ROBO2: variants seen among roughly 807,000 people sequenced by gnomAD.
ROBO2 encodes the protein roundabout guidance receptor 2, also known as roundabout homolog 2.
ROBO2 carries 53 observed loss-of-function variants against 160.8 expected under a neutral mutation model. The ratio of observed to expected loss-of-function variants is 0.33; its 90% CI spans 0.26 to 0.41. ROBO2 has a LOEUF of 0.41. Ranked by LOEUF, ROBO2 falls within the 10% of genes least tolerant of loss-of-function variation. The pLI is 1.00. For missense variants in ROBO2, 1,577 were observed against 1,722.4 expected (o/e 0.92, Z 1.49); for synonymous variants, 664 against 611.7 (o/e 1.09, Z -1.26).
intron 2 of ROBO2, among the ~76,000 whole-genome samples, chr3:76,094,134 T>TCACACA (rs59815528): frequency 6.7e-6 from 1 of 148,508 alleles, no homozygotes; most frequent in Non-Finnish European, 1.5e-5. Context: ...ACACTCGCAC[T>TCACACA]CACACACACA....
rs140771472 is a variant in ROBO2 at position 76,218,813 on chromosome 3, C to G, written c.109+281211C>G. On this transcript the variant is annotated intron_variant, in intron 2 of 26. Coordinates refer to the ROBO2 transcript ENST00000487694. ...TTCTTCACAGAATTGGAAAAAACTA[C>G]TTGAAAGTTCATATGGAACCAAAAA... Among the ~76,000 whole-genome samples the G allele has an allele frequency of 7.8e-3, 1,182 of 152,274 alleles. 10 individuals are homozygous for G. Among genetic ancestry groups the G allele is most frequent in the Middle Eastern group, 0.027 (8 of 294 alleles).
Position 76,666,371 on chromosome 3 carries a change from C to T in ROBO2, c.110-431643C>T, listed in dbSNP as rs761894714. Among the ~76,000 whole-genome samples the T allele has an allele frequency of 4.6e-5, 7 of 152,054 alleles. No homozygotes were observed. In the East Asian group the frequency reaches 5.8e-4, roughly 13 times the overall value. ...ACCATGTTAGGAGACATCAGTTCAC[C>T]GTGACCCAAATGCTCTGCCTGATGA... On this transcript the variant is annotated intron_variant, in intron 2 of 26. Transcript: ENST00000487694.
At chr3:75,994,593 T>G (rs1395368286) in intron 2 of ROBO2, among the ~76,000 whole-genome samples, 2 of 152,234 alleles carry the variant, frequency 1.3e-5, no homozygotes, top group African/African-American at 4.8e-5. Flanking sequence ...TCCTCAGCCA[T>G]GTATAGTTAA....
intron 2 of ROBO2, among the ~76,000 whole-genome samples, chr3:76,219,000 G>C (rs1446777745): frequency 6.6e-6 from 1 of 152,098 alleles, no homozygotes; most frequent in Non-Finnish European, 1.5e-5. Flanking sequence ...GCCCTCAGAA[G>C]TAATGCCGCA....
intron 2 of ROBO2, among the ~76,000 whole-genome samples, chr3:76,282,320 C>A (rs1048642670): frequency 6.6e-6 from 1 of 152,004 alleles, no homozygotes; most frequent in Admixed American, 6.6e-5. Flanking sequence ...CATGGAGATA[C>A]AAATGAGAAA....
chr3:76,090,534 A>G (rs1382366448), intron 2 of ROBO2, among the ~76,000 whole-genome samples: 5 of 152,240 alleles, frequency 3.3e-5, no homozygotes, highest in African/African-American at 7.2e-5. Flanking sequence ...AAGTTGATCT[A>G]TAGTTTCAAC....
chr3:77,512,807 TC>T (rs2089559968), intron 5 of ROBO2, among the ~76,000 whole-genome samples: 1 of 151,922 alleles, frequency 6.6e-6, no homozygotes, highest in South Asian at 2.1e-4. Context: ...AACAAACCTT[TC>T]AAGTCTCCTT....
At chr3:77,496,064 C>A (rs2086741982) in intron 5 of ROBO2, among the ~76,000 whole-genome samples, 1 of 152,156 alleles carries the variant, frequency 6.6e-6, no homozygotes, top group Admixed American at 6.6e-5. Flanking sequence ...GGTATGATAT[C>A]AAGGCCACTA....
intron 2 of ROBO2, among the ~76,000 whole-genome samples, chr3:77,170,643 A>G (rs2079547001): frequency 6.6e-6 from 1 of 152,186 alleles, no homozygotes; most frequent in South Asian, 2.1e-4. Flanking sequence ...TGCCCTAATT[A>G]TGGTTTCTAT....
chr3:76,765,953 A>G (rs1262730694), intron 2 of ROBO2, among the ~76,000 whole-genome samples: 1 of 151,650 alleles, frequency 6.6e-6, no homozygotes. Context: ...TCAGATCCCA[A>G]CTTTATTTGC....
chr3:76,144,058 T>G (rs2071793109), intron 2 of ROBO2, among the ~76,000 whole-genome samples: 1 of 151,894 alleles, frequency 6.6e-6, no homozygotes, highest in Non-Finnish European at 1.5e-5. Flanking sequence ...AATGTTAATC[T>G]CAGCCAGAAA....
At chr3:77,212,150 G>C (rs576454498) in intron 2 of ROBO2, among the ~76,000 whole-genome samples, 1 of 152,030 alleles carries the variant, frequency 6.6e-6, no homozygotes, top group Admixed American at 6.6e-5. Flanking sequence ...CATTGAATCT[G>C]TAAATTACCT....
intron 2 of ROBO2, among the ~76,000 whole-genome samples, chr3:77,294,306 C>A (rs1441716283): frequency 1.5e-5 from 2 of 131,982 alleles, no homozygotes; most frequent in Admixed American, 8.1e-5. Flanking sequence ...GTAAAATTGA[C>A]GGTTAAACGG....
At chr3:76,352,136 T>C (rs181470618) in intron 2 of ROBO2, among the ~76,000 whole-genome samples, 6 of 152,124 alleles carry the variant, frequency 3.9e-5, no homozygotes, top group African/African-American at 1.4e-4. Flanking sequence ...CTTCATTCCC[T>C]GTAGACTAAT....
chr3:76,560,648 C>T (rs1419791389), intron 2 of ROBO2, among the ~76,000 whole-genome samples: 1 of 149,798 alleles, frequency 6.7e-6, no homozygotes, highest in Non-Finnish European at 1.5e-5. Context: ...AAAGAAAACT[C>T]ACATTACTGA....
chr3:76,134,647 C>A (rs2071358263), intron 2 of ROBO2, among the ~76,000 whole-genome samples: 1 of 151,950 alleles, frequency 6.6e-6, no homozygotes, highest in Non-Finnish European at 1.5e-5. Flanking sequence ...ACAGGAGACC[C>A]CAGCCCTAGC....
intron 2 of ROBO2, among the ~76,000 whole-genome samples, chr3:76,744,939 T>A (rs1201601371): frequency 1.3e-5 from 2 of 152,182 alleles, no homozygotes; most frequent in Admixed American, 1.3e-4. Context: ...TAAACATGAT[T>A]TATTGTATAC....
rs192464451 is a variant in ROBO2 at position 77,222,832 on chromosome 3, G to A, written c.388+124492G>A. ...GTGGTCTACTCCTAATTTCATTTTC[G>A]TTTCCTAAATAAGAAGACCCATTAA... On this transcript the variant is annotated intron_variant, in intron 2 of 25. Transcript: ENST00000461745. Among the ~76,000 whole-genome samples the A allele has an allele frequency of 3.0e-3, 458 of 152,030 alleles. 1 individual carries two copies. Among genetic ancestry groups the A allele is most frequent in the African/African-American group, 0.01 (431 of 41,456 alleles).
intron 17 of ROBO2, among the ~76,000 whole-genome samples, chr3:77,589,698 A>G (rs1166025656): frequency 6.6e-6 from 1 of 152,106 alleles, no homozygotes; most frequent in Non-Finnish European, 1.5e-5. Flanking sequence ...GAGGACACAC[A>G]AAATTGTAAA....
Sources: gnomAD v4.1 joint callset for allele counts (sites outside exome capture counted in the v4.1 genomes callset) on GRCh38, gnomAD v4.1.1 for gene constraint, MANE v1.5 for transcripts, NCBI Gene and HGNC (gene_info 2026-07-23, HGNC 2026-07-21) for gene names.